ELF4: variants seen among roughly 807,000 people sequenced by gnomAD.
ELF4 encodes the protein E74 like ETS transcription factor 4, also known as ETS-related transcription factor Elf-4.
A neutral mutation model predicts 31.7 loss-of-function variants in ELF4; 10 were observed. The ratio of observed to expected loss-of-function variants is 0.32; its 90% CI spans 0.19 to 0.54. The LOEUF (loss-of-function observed/expected upper bound fraction) is 0.54, where lower values mean the gene tolerates loss of function less well. ELF4 is among the 20% of genes least tolerant of loss of function. The pLI, the probability that ELF4 is intolerant of heterozygous loss-of-function variation, is 0.95. For missense variants in ELF4, 418 were observed against 522.0 expected, an observed-to-expected ratio of 0.80 and a Z score of 1.94; for synonymous variants, 208 against 226.7, an observed-to-expected ratio of 0.92 and a Z score of 0.74.
chrX:130,065,773 C>A lies in ELF4; in HGVS notation c.*948G>T, dbSNP rs1162385233. On this transcript the variant is annotated 3_prime_UTR_variant, in exon 9 of 9. Coordinates refer to ENST00000308167, the MANE Select transcript of ELF4 (RefSeq NM_001421.4). ...ACACAAACAGCCCAAGCCCTAGGCACAAATACTCAATGAATTCAGCTCTGG... is the reference window on the plus strand; with the variant it reads ...ACACAAACAGCCCAAGCCCTAGGCAAAAATACTCAATGAATTCAGCTCTGG... 5.7e-6 allele frequency: 1 copy of A among 175,903 alleles called. No homozygotes were observed. Among genetic ancestry groups the A allele is most frequent in the Non-Finnish European group, 1.1e-5 (1 of 91,680 alleles). 14.5% of individuals were successfully genotyped at this position (175,903 alleles called of 1,213,427 possible).
At chrX:130,103,877 C>T (rs1394329090) in intron 1 of ELF4, among the ~76,000 whole-genome samples, 1 of 111,820 alleles carries the variant, frequency 8.9e-6, no homozygotes. Flanking sequence ...AATGGAACCT[C>T]CAAGTTACTC....
intron 1 of ELF4, among the ~76,000 whole-genome samples, chrX:130,091,338 G>A (rs1360139766): frequency 9.2e-5 from 3 of 32,606 alleles, no homozygotes; most frequent in African/African-American, 1.3e-4. Context: ...TGAGGCAGGA[G>A]AATCGCTTGA....
intron 4 of ELF4, among the ~76,000 whole-genome samples, chrX:130,072,696 A>AC (rs1394071398): frequency 8.9e-6 from 1 of 112,204 alleles, no homozygotes; most frequent in Non-Finnish European, 1.9e-5. Flanking sequence ...GTAAAGGGCC[A>AC]CCTTGATTTA....
chrX:130,100,452 C>G (rs1364083809), intron 1 of ELF4, among the ~76,000 whole-genome samples: 1 of 55,478 alleles, frequency 1.8e-5, no homozygotes, highest in Non-Finnish European at 3.2e-5. Flanking sequence ...GATTTCCCAA[C>G]TTAAGCCTGG....
At chrX:130,097,376 G>A (rs1197416117) in intron 1 of ELF4, among the ~76,000 whole-genome samples, 9 of 110,530 alleles carry the variant, frequency 8.1e-5, no homozygotes, top group African/African-American at 2.6e-4. Context: ...GGCAGAGGTT[G>A]CAGTGAGTTG....
chrX:130,105,874 G>C (rs1159882167), intron 1 of ELF4, among the ~76,000 whole-genome samples: 1 of 106,688 alleles, frequency 9.4e-6, no homozygotes, highest in Non-Finnish European at 1.9e-5. Context: ...GTGTGTGTGT[G>C]TGTGTGTGTG....
chrX:130,109,228 G>T (rs1272391753), intron 1 of ELF4, among the ~76,000 whole-genome samples: 1 of 112,176 alleles, frequency 8.9e-6, no homozygotes, highest in African/African-American at 3.2e-5. Context: ...TGTTGGGGCT[G>T]AGCAGTGGTG....
At chrX:130,072,475 C>T in intron 4 of ELF4, 58 bp from the exon 5 acceptor site, 1 of 1,158,864 alleles carries the variant, frequency 8.6e-7, no homozygotes, top group Non-Finnish European at 1.2e-6. Context: ...GCGGGGTCTC[C>T]CAGCGCTGGA....
At chrX:130,086,053 A>C (rs1932955143) in intron 1 of ELF4, among the ~76,000 whole-genome samples, 1 of 111,956 alleles carries the variant, frequency 8.9e-6, no homozygotes, top group African/African-American at 3.3e-5. Context: ...CCCAAACCTC[A>C]GTCCAGTTAT....
chrX:130,082,583 C>T (rs891236834), intron 1 of ELF4, among the ~76,000 whole-genome samples: 4 of 111,482 alleles, frequency 3.6e-5, no homozygotes, highest in Admixed American at 1.9e-4. Context: ...GTGCCCTCAG[C>T]GCTCACGGTG....
chrX:130,065,355 G>GGGAA lies in ELF4; in HGVS notation c.*1362_*1365dup, dbSNP rs1000379599. On this transcript the variant is annotated 3_prime_UTR_variant, in exon 9 of 9. Transcript: ENST00000308167. Reference sequence around the variant, plus strand: ...ATAGGTTGACCCTTCCTCGGAAAGAGGGAAGGGGGAAGCAGGGAGCCACGA... The same window carrying GGGAA: ...ATAGGTTGACCCTTCCTCGGAAAGAGGGAAGGAAGGGGGAAGCAGGGAGCCACGA... The GGGAA allele has an allele frequency of 2.9e-5, 5 of 173,794 alleles. No homozygotes were observed. Among genetic ancestry groups the GGGAA allele is most frequent in the African/African-American group, 1.2e-4 (4 of 33,842 alleles). The allele number at this position is 173,794 out of a possible 1,213,427, so 14.3% of individuals were successfully genotyped here.
intron 4 of ELF4, among the ~76,000 whole-genome samples, chrX:130,073,660 C>T (rs955038184): frequency 1.8e-5 from 2 of 111,491 alleles, no homozygotes; most frequent in Non-Finnish European, 1.9e-5. Flanking sequence ...TACAGGCTTG[C>T]GCCACCACGC....
rs929478631 is a variant in ELF4, at chrX:130,066,286, G to T, written c.*435C>A. ...CAGCTACAGCCCTGTCCTCCCCAAA[G>T]AAACTAAGATACAGACCAACAAGTA... is the stretch of plus-strand genomic sequence containing the variant. On this transcript the variant is annotated 3_prime_UTR_variant, in exon 9 of 9. Transcript: ENST00000308167. The T allele has an allele frequency of 9.9e-5, 19 of 192,062 alleles. No homozygotes were observed. The South Asian group carries it at 1.2e-3, about 12-fold the overall frequency. The allele number at this position is 192,062 out of a possible 1,213,427, so 15.8% of individuals were successfully genotyped here.
At chrX:130,089,831 G>A (rs1933025189) in intron 1 of ELF4, among the ~76,000 whole-genome samples, 1 of 112,746 alleles carries the variant, frequency 8.9e-6, no homozygotes, top group Admixed American at 9.4e-5. Context: ...GGGCGTGGTG[G>A]CTCATGCTTG....
At chrX:130,072,578 C>T (rs1002109218) in intron 4 of ELF4, among the ~76,000 whole-genome samples, 161 bp from the exon 5 acceptor site, 5 of 112,435 alleles carry the variant, frequency 4.4e-5, no homozygotes, top group African/African-American at 6.5e-5. Context: ...GCTTGTACCA[C>T]GAGGAGAGGA....
At chrX:130,092,283 G>A (rs1245980588) in intron 1 of ELF4, among the ~76,000 whole-genome samples, 1 of 113,284 alleles carries the variant, frequency 8.8e-6, no homozygotes, top group Non-Finnish European at 1.9e-5. Context: ...CCTGTCCCAG[G>A]GGTTTCAGCA....
chrX:130,071,244 C>T lies in ELF4; in HGVS notation c.617-12G>A. On this transcript the variant is annotated splice_polypyrimidine_tract_variant and intron_variant, in intron 6 of 8. Transcript: ENST00000308167. ...ATAGATGGTGCTGCCTGCAGAGGGG[C>T]AGGCCGTGAGGGGCAGCCTGGGCAG... is the stretch of plus-strand genomic sequence containing the variant. 8.3e-7 allele frequency: 1 copy of T among 1,211,449 alleles called. No individual in the cohort carries two copies. The highest frequency in any genetic ancestry group is 1.8e-5 in the South Asian group (1 of 56,997).
chrX:130,096,207 G>C (rs1192102315), intron 1 of ELF4, among the ~76,000 whole-genome samples: 1 of 111,088 alleles, frequency 9.0e-6, no homozygotes, highest in Non-Finnish European at 1.9e-5. Flanking sequence ...TTTTGAGACA[G>C]AGTCTCACTC....
At chrX:130,096,124 T>G (rs1165932551) in intron 1 of ELF4, among the ~76,000 whole-genome samples, 1 of 111,499 alleles carries the variant, frequency 9.0e-6, no homozygotes, top group African/African-American at 3.3e-5. Context: ...AAATGGGGAG[T>G]GAATACTAAT....
Sources: allele counts gnomAD v4.1 joint callset (sites outside exome capture counted in the v4.1 genomes callset), GRCh38; gene constraint gnomAD v4.1.1; transcripts MANE v1.5; gene names NCBI Gene and HGNC (gene_info 2026-07-23, HGNC 2026-07-21).